The following TIAM1 variants were observed in gnomAD, a reference collection of about 807,000 sequenced individuals.
TIAM1 encodes the protein TIAM Rac1 associated GEF 1.
Under a neutral mutation model 163.5 loss-of-function variants are expected in TIAM1, and 65 were observed. The observed-to-expected ratio is 0.40, with a 90% CI of 0.33 to 0.49. TIAM1 has a LOEUF of 0.49. Ranked by LOEUF, TIAM1 falls within the 20% of genes least tolerant of loss-of-function variation. The probability of loss-of-function intolerance (pLI) is 0.77; values close to 1 mark genes in which losing one functional copy is unlikely to be tolerated. For synonymous variants in TIAM1, 833 were observed against 810.1 expected (o/e 1.03, Z -0.48); for missense variants, 1,789 against 2,044.7 (o/e 0.87, Z 2.41).
chr21:31,161,830 G>A (rs1235767533), intron 16 of TIAM1, among the ~76,000 whole-genome samples: 1 of 152,134 alleles, frequency 6.6e-6, no homozygotes. Flanking sequence ...TTAATTTTCA[G>A]CTTATTCTCA....
At chr21:31,218,612 A>G (rs368995294) in intron 8 of TIAM1, among the ~76,000 whole-genome samples, 172 of 152,052 alleles carry the variant, frequency 1.1e-3, no homozygotes, top group African/African-American at 3.6e-3. Flanking sequence ...GTAAGTGAGC[A>G]TGCAGCCACT....
At chr21:31,326,275 T>C (rs9984586) in intron 2 of TIAM1, among the ~76,000 whole-genome samples, 31,822 of 152,132 alleles carry the variant, frequency 0.21, 3,900 homozygotes, top group Middle Eastern at 0.37. Context: ...TGATCAAAGT[T>C]ATGGTCCTCT....
intron 11 of TIAM1, among the ~76,000 whole-genome samples, chr21:31,209,818 T>C (rs1453173677): frequency 6.6e-6 from 1 of 152,218 alleles, no homozygotes; most frequent in African/African-American, 2.4e-5. Flanking sequence ...AACACACACA[T>C]TGAAAGATGC....
At chr21:31,524,678 CTGAAGTGTAT>C (rs1367194806) in intron 1 of TIAM1, among the ~76,000 whole-genome samples, 2 of 152,164 alleles carry the variant, frequency 1.3e-5, no homozygotes, top group Admixed American at 6.5e-5. Flanking sequence ...AGCAAAAGAG[CTGAAGTGTAT>C]TGAACACTAT....
At chr21:31,460,422 T>C (rs547945760) in intron 2 of TIAM1, among the ~76,000 whole-genome samples, 1 of 152,094 alleles carries the variant, frequency 6.6e-6, no homozygotes, top group South Asian at 2.1e-4. Context: ...AGGTCAGGAG[T>C]TCGAGATCAG....
intron 1 of TIAM1, among the ~76,000 whole-genome samples, chr21:31,532,936 A>G (rs2048017305): frequency 6.6e-6 from 1 of 152,256 alleles, no homozygotes; most frequent in East Asian, 1.9e-4. Flanking sequence ...ACAAAGAGAA[A>G]AAAATAAATA....
At position 31,120,962 on chromosome 21, in the gene TIAM1, T is replaced by C. The variant is rs1389419663; in HGVS notation, c.4307-125A>G. On this transcript the variant is annotated intron_variant, in intron 27 of 27. Transcript: ENST00000541036. The surrounding 1 kb of genome is among the most constrained non-coding windows in gnomAD (Gnocchi z 4.2). ...GGTATGCATTGAATGCCTTGATGTC[T>C]TTTGGGGCTTAAAGTCTACATATCA... 1.2e-6 allele frequency: 1 copy of C among 865,140 alleles called. No homozygotes were observed. Among genetic ancestry groups the C allele is most frequent in the Non-Finnish European group, 1.7e-6 (1 of 577,744 alleles). The allele number at this position is 865,140 out of a possible 1,614,324, so 53.6% of individuals were successfully genotyped here.
chr21:31,228,219 TTAAAAAAAAAAAAAAAAAA>T (rs2088120198), intron 6 of TIAM1, among the ~76,000 whole-genome samples: 4 of 17,628 alleles, frequency 2.3e-4, no homozygotes, highest in African/African-American at 4.4e-4. Context: ...CCTCCTTTTT[TTAAAAAAAAAAAAAAAAAA>T]AAAAAAAAAA....
At chr21:31,541,223 G>A (rs575130762) in intron 1 of TIAM1, among the ~76,000 whole-genome samples, 52 of 152,322 alleles carry the variant, frequency 3.4e-4, no homozygotes, top group African/African-American at 1.2e-3. Context: ...TTGGGAGGCT[G>A]AGGCGGGCAG....
intron 2 of TIAM1, among the ~76,000 whole-genome samples, chr21:31,431,155 A>G (rs2044014612): frequency 6.6e-6 from 1 of 152,162 alleles, no homozygotes; most frequent in South Asian, 2.1e-4. Context: ...ACAACCACTC[A>G]TCATCTAAGA....
chr21:31,512,881 T>G (rs1482964869), intron 1 of TIAM1, among the ~76,000 whole-genome samples: 1 of 152,008 alleles, frequency 6.6e-6, no homozygotes, highest in Non-Finnish European at 1.5e-5. Flanking sequence ...TGAGCTCAAG[T>G]GATCCTCCTA....
intron 2 of TIAM1, among the ~76,000 whole-genome samples, chr21:31,310,784 C>T (rs2074894703): frequency 6.6e-6 from 1 of 152,126 alleles, no homozygotes; most frequent in South Asian, 2.1e-4. Context: ...TAGCCAAAAA[C>T]CCTAAAGGAA....
intron 10 of TIAM1, 126 bp downstream of exon 10, chr21:31,213,272 T>G (rs1290304235): frequency 1.3e-6 from 1 of 782,886 alleles, no homozygotes; most frequent in East Asian, 2.9e-5. Flanking sequence ...ACATAACTTT[T>G]AAAAACTGAT....
intron 19 of TIAM1, among the ~76,000 whole-genome samples, chr21:31,148,004 CAA>C (rs34410316): frequency 0.019 from 1,183 of 63,794 alleles, 13 homozygotes; most frequent in African/African-American, 0.065. Flanking sequence ...TGTCCATGAC[CAA>C]AAAAAAAAAA....
rs377636162 is a variant in TIAM1 at position 31,120,601 on chromosome 21, C to A, written c.4543G>T (p.Val1515Leu). ...TCTCTGTCCACTGAGGCACCCTTCA[C>A]GGACTCACAGAACTCATCATCGTCA... ...LSDDDEFCES[V>L]KGASVDRDLQ... Residue 1515 changes from valine to leucine, a missense_variant, in exon 28 of 28, where the codon GTG (valine) becomes TTG (leucine). This residue lies in a region of TIAM1 where 415 missense variants were observed against 439.2 expected (regional missense o/e 0.94). Coordinates refer to ENST00000541036, the MANE Select transcript of TIAM1 (RefSeq NM_001353694.2). This position sits in a 1 kb window ranked among gnomAD's most constrained non-coding sequence, Gnocchi z 4.2. 2 of 1,614,082 alleles carry A rather than the reference C, an allele frequency of 1.2e-6. No individual in the cohort carries two copies. Among genetic ancestry groups the A allele is most frequent in the South Asian group, 2.2e-5 (2 of 91,084 alleles).
intron 5 of TIAM1, among the ~76,000 whole-genome samples, chr21:31,246,221 CTT>C (rs200986423): frequency 6.7e-6 from 1 of 148,576 alleles, no homozygotes; most frequent in Non-Finnish European, 1.5e-5. Context: ...CATCTATAAA[CTT>C]TTTTTTTTTC....
chr21:31,347,696 C>T (rs1447812556), upstream of TIAM1, among the ~76,000 whole-genome samples: 1 of 152,132 alleles, frequency 6.6e-6, no homozygotes, highest in African/African-American at 2.4e-5. Context: ...CTAAATGATA[C>T]AAAAATAACA....
intron 16 of TIAM1, among the ~76,000 whole-genome samples, chr21:31,163,697 T>G (rs1417372074): frequency 6.6e-6 from 1 of 152,190 alleles, no homozygotes; most frequent in Non-Finnish European, 1.5e-5. Context: ...TAATAGTTCA[T>G]GTTTGAAAAG....
At chr21:31,372,989 AG>A (rs1456066646) in intron 2 of TIAM1, among the ~76,000 whole-genome samples, 1 of 148,452 alleles carries the variant, frequency 6.7e-6, no homozygotes, top group Non-Finnish European at 1.5e-5. Context: ...CGGGAGGCAG[AG>A]GTTTCGGTGA....
Sources: allele counts gnomAD v4.1 joint callset (sites outside exome capture counted in the v4.1 genomes callset), GRCh38; gene constraint gnomAD v4.1.1; regional missense constraint gnomAD v4.1.1; non-coding constraint Gnocchi (gnomAD v3.1); transcripts MANE v1.5; gene names NCBI Gene and HGNC (gene_info 2026-07-23, HGNC 2026-07-21).